The following FRYL variants were observed in gnomAD, a reference collection of about 807,000 sequenced individuals.
FRYL encodes the protein protein furry homolog-like.
A neutral mutation model predicts 351.2 loss-of-function variants in FRYL; 150 were observed. The ratio of observed to expected loss-of-function variants is 0.43; its 90% CI spans 0.37 to 0.49. The LOEUF (loss-of-function observed/expected upper bound fraction) is 0.49. FRYL is among the 20% of genes least tolerant of loss of function. The pLI is 0.00. For synonymous variants in FRYL, 1,153 were observed against 1,257.1 expected, an observed-to-expected ratio of 0.92 and a Z score of 1.75; for missense variants, 3,036 against 3,619.3, an observed-to-expected ratio of 0.84 and a Z score of 4.13.
intron 33 of FRYL, among the ~76,000 whole-genome samples, chr4:48,557,990 G>A (rs1225903155): frequency 6.6e-6 from 1 of 151,968 alleles, no homozygotes. Context: ...ATACTTTCTG[G>A]GAAACAGTAT....
chr4:48,655,331 A>G (rs1344429409), intron 3 of FRYL, among the ~76,000 whole-genome samples: 15 of 152,158 alleles, frequency 9.9e-5, no homozygotes, highest in Admixed American at 3.3e-4. Context: ...GTTTGGATAC[A>G]TCGCGATTAG....
chr4:48,757,819 T>A (rs1773957208), intron 1 of FRYL, among the ~76,000 whole-genome samples: 2 of 152,158 alleles, frequency 1.3e-5, no homozygotes, highest in Admixed American at 1.3e-4. Flanking sequence ...GGCATCATGC[T>A]ACCTGATTTC....
rs1001121465 is a variant in FRYL at position 48,582,686 on chromosome 4, A to G, written c.1797T>C (p.Thr599=). The G allele has an allele frequency of 2.5e-6, 4 of 1,614,048 alleles. No individual in the cohort carries two copies. Among genetic ancestry groups the G allele is most frequent in the Admixed American group, 1.7e-5 (1 of 60,018 alleles). The change falls in exon 20 of 64, where the codon ACT becomes ACC. Residue 599 remains threonine (T), a synonymous_variant. Coordinates refer to ENST00000358350, the MANE Select transcript of FRYL (RefSeq NM_015030.2). ...GAAAATCAAGCATTAGTGCCTGCAGAGTATTGAAAGCCAGAGCACGCAGTT... is the reference window on the plus strand; with the variant it reads ...GAAAATCAAGCATTAGTGCCTGCAGGGTATTGAAAGCCAGAGCACGCAGTT... ...DEELRALAFN[T]LQALMLDFPD...
chr4:48,708,256 A>G (rs539283496), intron 2 of FRYL, among the ~76,000 whole-genome samples: 24 of 149,076 alleles, frequency 1.6e-4, no homozygotes, highest in Non-Finnish European at 2.5e-4. Context: ...TCCAGCCTGG[A>G]CAACAAGAGC....
In FRYL at chr4:48,544,123, C is replaced by T. The variant is rs1730831370; in HGVS notation, c.5402-126G>A. The T allele has an allele frequency of 1.7e-5, 13 of 745,958 alleles. No homozygotes were observed. The South Asian group carries it at 2.1e-4, about 12-fold the overall frequency. 46.2% of individuals were successfully genotyped at this position (745,958 alleles called of 1,614,324 possible). ...TTCCTGGCTCTCACATTTTATAAGT[C>T]AATGCTTTTTCTTTGCTTAAACTCC... On this transcript the variant is annotated intron_variant, in intron 43 of 63. Coordinates refer to ENST00000358350, the MANE Select transcript of FRYL (RefSeq NM_015030.2).
chr4:48,635,470 C>T (rs181112194), intron 3 of FRYL, among the ~76,000 whole-genome samples: 1 of 152,176 alleles, frequency 6.6e-6, no homozygotes, highest in Admixed American at 6.6e-5. Flanking sequence ...TTAACAATGA[C>T]TCACAGCATT....
At chr4:48,538,442 A>G (rs776196890) in intron 47 of FRYL, among the ~76,000 whole-genome samples, 9 of 152,162 alleles carry the variant, frequency 5.9e-5, no homozygotes, top group Admixed American at 4.6e-4. Context: ...CAAGACAGTG[A>G]AAAGGTTCTT....
intron 3 of FRYL, among the ~76,000 whole-genome samples, chr4:48,671,559 C>A (rs574403884): frequency 6.6e-6 from 1 of 152,080 alleles, no homozygotes; most frequent in East Asian, 1.9e-4. Flanking sequence ...CCCAGCTACT[C>A]GGGAGGCTGA....
intron 58 of FRYL, among the ~76,000 whole-genome samples, chr4:48,510,628 G>C (rs1411520995): frequency 6.6e-6 from 1 of 152,148 alleles, no homozygotes. Flanking sequence ...ACTCTGTAGA[G>C]GGTAAGGGCA....
At chr4:48,741,432 C>A (rs1772051521) in intron 1 of FRYL, among the ~76,000 whole-genome samples, 1 of 151,480 alleles carries the variant, frequency 6.6e-6, no homozygotes, top group Non-Finnish European at 1.5e-5. Flanking sequence ...CCCAGCTACT[C>A]AGGAGGCTGA....
At position 48,497,397 on chromosome 4, in the gene FRYL, A is replaced by G. The variant is rs1718684214; in HGVS notation, c.*2025T>C. 6.6e-6 allele frequency: 1 copy of G among 152,470 alleles called. No homozygotes were observed. The allele number at this position is 152,470 out of a possible 1,614,324, so 9.4% of individuals were successfully genotyped here. ...ATATTCATTTTTATTATATTAATAGACTTAGTTACATATAAATAAACACAA... is the reference window on the plus strand; with the variant it reads ...ATATTCATTTTTATTATATTAATAGGCTTAGTTACATATAAATAAACACAA... On this transcript the variant is annotated 3_prime_UTR_variant, in exon 64 of 64. Coordinates refer to ENST00000358350, the MANE Select transcript of FRYL (RefSeq NM_015030.2).
At chr4:48,732,277 T>C (rs1314388937) in intron 1 of FRYL, among the ~76,000 whole-genome samples, 2 of 151,930 alleles carry the variant, frequency 1.3e-5, no homozygotes, top group Non-Finnish European at 2.9e-5. Flanking sequence ...CAGGAAACAA[T>C]AGATGCTGGA....
chr4:48,526,059 G>C (rs1726140072), intron 53 of FRYL, among the ~76,000 whole-genome samples: 1 of 151,630 alleles, frequency 6.6e-6, no homozygotes, highest in South Asian at 2.1e-4. Flanking sequence ...GTACATGAGA[G>C]TTGATGAATG....
At chr4:48,725,273 GC>G (rs1404383013) in intron 1 of FRYL, among the ~76,000 whole-genome samples, 1 of 152,172 alleles carries the variant, frequency 6.6e-6, no homozygotes, top group Admixed American at 6.5e-5. Flanking sequence ...GAAGAAAATG[GC>G]CCACACTTAA....
chr4:48,604,851 C>A (rs894163595), intron 11 of FRYL, among the ~76,000 whole-genome samples: 1 of 152,172 alleles, frequency 6.6e-6, no homozygotes, highest in Non-Finnish European at 1.5e-5. Flanking sequence ...AAGTGCCTCT[C>A]TTCCTACAAC....
chr4:48,521,578 A>G (rs1724916570), intron 54 of FRYL, among the ~76,000 whole-genome samples: 1 of 152,250 alleles, frequency 6.6e-6, no homozygotes, highest in South Asian at 2.1e-4. Flanking sequence ...CACTAGAGAC[A>G]GACTGCTTGA....
intron 55 of FRYL, among the ~76,000 whole-genome samples, chr4:48,519,252 C>G (rs1724355425): frequency 6.6e-6 from 1 of 152,056 alleles, no homozygotes; most frequent in Non-Finnish European, 1.5e-5. Flanking sequence ...ATTGCTCTTC[C>G]TCTCCCTCCT....
Position 48,567,118 on chromosome 4 carries a change from G to A in FRYL, c.3169+130C>T, listed in dbSNP as rs1736960547. Reference sequence around the variant, plus strand: ...GGGAAAACAAACTCCAGCCATCCAGGTTATGCTGACATATTTTTCCAGTAT... The same window carrying A: ...GGGAAAACAAACTCCAGCCATCCAGATTATGCTGACATATTTTTCCAGTAT... On this transcript the variant is annotated intron_variant, in intron 28 of 63. Coordinates refer to ENST00000358350, the MANE Select transcript of FRYL (RefSeq NM_015030.2). This position sits in a 1 kb window ranked among gnomAD's most constrained non-coding sequence, Gnocchi z 4.2. The A allele has an allele frequency of 1.5e-6, 1 of 689,128 alleles. No homozygotes were observed. Among genetic ancestry groups the A allele is most frequent in the Admixed American group, 3.9e-5 (1 of 25,474 alleles). 42.7% of individuals were successfully genotyped at this position (689,128 alleles called of 1,614,324 possible).
intron 36 of FRYL, among the ~76,000 whole-genome samples, chr4:48,552,034 G>A (rs1396408298): frequency 6.6e-6 from 1 of 152,142 alleles, no homozygotes; most frequent in African/African-American, 2.4e-5. Context: ...AGTCTTTTCT[G>A]ATGAGAGTAA....
Sources: allele counts gnomAD v4.1 joint callset (sites outside exome capture counted in the v4.1 genomes callset), GRCh38; gene constraint gnomAD v4.1.1; non-coding constraint Gnocchi (gnomAD v3.1); transcripts MANE v1.5; gene names NCBI Gene and HGNC (gene_info 2026-07-23, HGNC 2026-07-21).